CREBBP: variants seen among roughly 807,000 people sequenced by gnomAD.
CREBBP encodes the protein CREB binding lysine acetyltransferase.
Under a neutral mutation model 265.0 loss-of-function variants are expected in CREBBP, and 19 were observed. That is an observed-to-expected ratio of 0.07 (90% CI 0.05 to 0.11). The LOEUF (loss-of-function observed/expected upper bound fraction) is 0.11. CREBBP is among the 10% of genes least tolerant of loss of function. The probability of loss-of-function intolerance (pLI) is 1.00; values close to 1 mark genes in which losing one functional copy is unlikely to be tolerated. For synonymous variants in CREBBP, 1,457 were observed against 1,223.7 expected, an observed-to-expected ratio of 1.19 and a Z score of -3.98; for missense variants, 2,525 against 3,219.0, an observed-to-expected ratio of 0.78 and a Z score of 5.22.
At chr16:3,774,185 G>A (rs952473018) in intron 12 of CREBBP, among the ~76,000 whole-genome samples, 1 of 152,132 alleles carries the variant, frequency 6.6e-6, no homozygotes, top group Non-Finnish European at 1.5e-5. Context: ...TCAATAGCAG[G>A]CTATAATTTA....
At chr16:3,756,609 T>C (rs186940677) in intron 19 of CREBBP, among the ~76,000 whole-genome samples, 4 of 152,308 alleles carry the variant, frequency 2.6e-5, no homozygotes, top group Admixed American at 2.6e-4. Context: ...TTGAACTCAA[T>C]TAAAACACCA....
intron 2 of CREBBP, among the ~76,000 whole-genome samples, chr16:3,846,358 GA>G (rs1381047374): frequency 1.3e-5 from 2 of 152,206 alleles, no homozygotes; most frequent in Admixed American, 1.3e-4. Flanking sequence ...CACTCTTGAT[GA>G]AGGTGTAATT....
chr16:3,750,879 C>T (rs2052456973), intron 20 of CREBBP, among the ~76,000 whole-genome samples: 1 of 152,048 alleles, frequency 6.6e-6, no homozygotes, highest in South Asian at 2.1e-4. Flanking sequence ...GCATGTACAC[C>T]AAACTCATTT....
chr16:3,852,086 G>T (rs1331160281), intron 1 of CREBBP, among the ~76,000 whole-genome samples: 4 of 123,296 alleles, frequency 3.2e-5, no homozygotes, highest in African/African-American at 6.1e-5. Flanking sequence ...GAATGTATGT[G>T]TGTAACAAAG....
At chr16:3,783,962 C>G (rs1053366511) in intron 5 of CREBBP, among the ~76,000 whole-genome samples, 1 of 152,168 alleles carries the variant, frequency 6.6e-6, no homozygotes, top group Non-Finnish European at 1.5e-5. Flanking sequence ...CCTCATCTGT[C>G]GCAACAACCC....
chr16:3,835,283 C>G (rs2054422544), intron 2 of CREBBP, among the ~76,000 whole-genome samples: 1 of 151,918 alleles, frequency 6.6e-6, no homozygotes, highest in South Asian at 2.1e-4. Context: ...TATGAAGGGC[C>G]AGTTAATAAA....
chr16:3,762,350 C>A (rs968940614), intron 16 of CREBBP, among the ~76,000 whole-genome samples: 4 of 145,594 alleles, frequency 2.7e-5, no homozygotes, highest in African/African-American at 1.0e-4. Context: ...CTGAGGAGAG[C>A]ATTTTCTTTC....
chr16:3,784,481 A>G (rs539931470), intron 5 of CREBBP: 2 of 152,234 alleles, frequency 1.3e-5, no homozygotes, highest in Non-Finnish European at 2.9e-5. Context: ...ACTACTCCCC[A>G]AAACTTTAAA....
rs986054979 is a variant in CREBBP at position 3,800,282 on chromosome 16, T to A, written c.976-6656A>T. Among the ~76,000 whole-genome samples the A allele has an allele frequency of 3.9e-5, 6 of 152,112 alleles. No homozygotes were observed. In the East Asian group the frequency reaches 1.2e-3, roughly 29 times the overall value. Reference sequence around the variant, plus strand: ...ACAAGTGTGCATCACGACGCCCAGCTAAGTTTTAAAATTTTTTGTAGAGAC... The same window carrying A: ...ACAAGTGTGCATCACGACGCCCAGCAAAGTTTTAAAATTTTTTGTAGAGAC... On this transcript the variant is annotated intron_variant, in intron 3 of 30. Coordinates refer to ENST00000262367, the MANE Select transcript of CREBBP (RefSeq NM_004380.3).
intron 1 of CREBBP, among the ~76,000 whole-genome samples, chr16:3,853,203 A>C (rs549809892): frequency 5.9e-5 from 9 of 152,358 alleles, no homozygotes; most frequent in African/African-American, 1.9e-4. Context: ...ATGAATAAGT[A>C]AGTGTAAAAC....
In CREBBP at chr16:3,780,842, A is replaced by T; in HGVS notation, c.1713T>A (p.Ile571=). 1 of 1,613,782 alleles carries T rather than the reference A, an allele frequency of 6.2e-7. No individual in the cohort carries two copies. Among genetic ancestry groups the T allele is most frequent in the East Asian group, 2.2e-5 (1 of 44,876 alleles). ...LMNDGSNSGN[I]GTLSTIPTAA... is the part of the protein sequence containing the mutation. ...CTGTTGGTATAGTGCTGAGGGTTCC[A>T]ATGTTACCAGAGTTGGAGCCATCGT... is the stretch of plus-strand genomic sequence containing the variant. Residue 571 remains isoleucine (I), a synonymous_variant, in exon 8 of 31, where the codon ATT becomes ATA. Coordinates refer to ENST00000262367, the MANE Select transcript of CREBBP (RefSeq NM_004380.3).
At chr16:3,799,968 A>G (rs1371426459) in intron 3 of CREBBP, among the ~76,000 whole-genome samples, 1 of 152,260 alleles carries the variant, frequency 6.6e-6, no homozygotes, top group Non-Finnish European at 1.5e-5. Context: ...AAACAAAATC[A>G]GACGAATCAG....
intron 23 of CREBBP, chr16:3,742,009 G>A (rs1415051840): frequency 1.3e-5 from 2 of 152,196 alleles, no homozygotes; most frequent in African/African-American, 4.8e-5. Flanking sequence ...GAACCCGGGA[G>A]GCAAGAGCTT....
intron 3 of CREBBP, among the ~76,000 whole-genome samples, chr16:3,808,915 G>A (rs541870105): frequency 1.3e-5 from 2 of 152,300 alleles, no homozygotes; most frequent in South Asian, 4.1e-4. Flanking sequence ...AACGGGATCT[G>A]TGTGGTGCCA....
At chr16:3,860,821 C>T (rs1327529799) in intron 1 of CREBBP, among the ~76,000 whole-genome samples, 1 of 152,006 alleles carries the variant, frequency 6.6e-6, no homozygotes, top group Non-Finnish European at 1.5e-5. Flanking sequence ...GGAGGCCACA[C>T]TACGCTCTCG....
chr16:3,826,041 G>A (rs9924963), intron 2 of CREBBP, among the ~76,000 whole-genome samples: 77 of 152,318 alleles, frequency 5.1e-4, no homozygotes, highest in African/African-American at 1.8e-3. Context: ...AGGCCACATG[G>A]CAAATCTCCA....
At chr16:3,824,763 A>G (rs942510351) in intron 2 of CREBBP, among the ~76,000 whole-genome samples, 1 of 152,152 alleles carries the variant, frequency 6.6e-6, no homozygotes, top group Non-Finnish European at 1.5e-5. Flanking sequence ...TTCCCGTTCT[A>G]CTGTAACTCT....
chr16:3,878,603 T>C (rs1597097199), intron 1 of CREBBP, among the ~76,000 whole-genome samples: 2 of 152,370 alleles, frequency 1.3e-5, no homozygotes, highest in East Asian at 1.9e-4. Context: ...TTTTTTTTAA[T>C]ATGCTAGTGG....
chr16:3,803,055 C>T (rs568479727), intron 3 of CREBBP, among the ~76,000 whole-genome samples: 3 of 151,628 alleles, frequency 2.0e-5, no homozygotes, highest in African/African-American at 2.4e-5. Context: ...TGGGAAGAAG[C>T]GATAATCACC....
Sources: allele counts gnomAD v4.1 joint callset (sites outside exome capture counted in the v4.1 genomes callset), GRCh38; gene constraint gnomAD v4.1.1; transcripts MANE v1.5; gene names NCBI Gene and HGNC (gene_info 2026-07-23, HGNC 2026-07-21).